Variants in BANP observed in about 807,000 individuals in gnomAD.
The protein encoded by BANP is protein BANP.
BANP carries 11 observed loss-of-function variants against 68.1 expected under a neutral mutation model. The observed-to-expected ratio is 0.16, with a 90% confidence interval of 0.10 to 0.27. The LOEUF (loss-of-function observed/expected upper bound fraction) is 0.27, where lower values mean the gene tolerates loss of function less well. BANP is among the 10% of genes least tolerant of loss of function. BANP has a pLI of 1.00. For synonymous variants in BANP, 329 were observed against 303.2 expected (o/e 1.09, Z -0.88); for missense variants, 504 against 722.7 (o/e 0.70, Z 3.47).
intron 1 of BANP, among the ~76,000 whole-genome samples, chr16:87,969,533 A>C (rs73242906): frequency 0.026 from 2,876 of 110,546 alleles, 89 homozygotes; most frequent in African/African-American, 0.097. Context: ...ATCGAGATTG[A>C]CTTTTTTTTT....
intron 2 of BANP, among the ~76,000 whole-genome samples, chr16:87,976,128 C>T (rs886723534): frequency 6.6e-6 from 1 of 152,222 alleles, no homozygotes; most frequent in Non-Finnish European, 1.5e-5. Flanking sequence ...TCTGATTTTT[C>T]CTTTATACAC....
At chr16:88,024,511 G>A (rs964514598) in intron 7 of BANP, among the ~76,000 whole-genome samples, 3 of 152,248 alleles carry the variant, frequency 2.0e-5, no homozygotes, top group African/African-American at 7.2e-5. Context: ...CCTGTTAAGT[G>A]CGGCTGCTCA....
At chr16:88,028,443 T>C (rs2077434317) in intron 8 of BANP, among the ~76,000 whole-genome samples, 1 of 152,194 alleles carries the variant, frequency 6.6e-6, no homozygotes, top group Non-Finnish European at 1.5e-5. Flanking sequence ...GAACCGGACT[T>C]CAGGAAGTGG....
intron 4 of BANP, among the ~76,000 whole-genome samples, chr16:87,987,624 G>T (rs149860985): frequency 0.029 from 4,352 of 148,806 alleles, 74 homozygotes; most frequent in Non-Finnish European, 0.042. Flanking sequence ...AGGAGGCTGA[G>T]GTGGGAGGAT....
In BANP at chr16:87,995,650, C is replaced by T. The variant is rs1485075523; in HGVS notation, c.363-8645C>T. ...CAGAGTGTCACGTGGTGAGGCTGCA[C>T]TCTGGGTGGGAAGGAGACAAAAACT... On this transcript the variant is annotated intron_variant, in intron 4 of 13. Transcript: ENST00000682872. 2.6e-5 allele frequency among the ~76,000 whole-genome samples: 4 copies of T among 152,212 alleles called. No individual in the cohort carries two copies. The East Asian group carries it at 7.7e-4, about 29-fold the overall frequency.
At chr16:87,999,107 C>T (rs1285093381) in intron 4 of BANP, among the ~76,000 whole-genome samples, 1 of 135,864 alleles carries the variant, frequency 7.4e-6, no homozygotes, top group African/African-American at 2.7e-5. Flanking sequence ...CCTGTCCTTC[C>T]AGACACCCAG....
chr16:87,969,971 G>A (rs11646255), intron 1 of BANP: 51,603 of 146,730 alleles, frequency 0.35, 10,250 homozygotes, highest in Non-Finnish European at 0.47. Context: ...GCAGTGGCAC[G>A]GTCTCAGTTC....
chr16:88,056,021 G>C (rs2084912262), intron 11 of BANP, among the ~76,000 whole-genome samples: 1 of 152,218 alleles, frequency 6.6e-6, no homozygotes, highest in African/African-American at 2.4e-5. Flanking sequence ...GCCTCCTGCT[G>C]CCTTGCTGGG....
Position 87,960,467 on chromosome 16 carries a change from C to G in BANP, c.-69+8952C>G, listed in dbSNP as rs181972425. ...TTGGCAGGGTTTTGTTATTTTTATC[C>G]TAAAGACATACTTATTTGCAAACCT... On this transcript the variant is annotated intron_variant, in intron 1 of 13. Transcript: ENST00000682872. Among the ~76,000 whole-genome samples, 23 of 152,278 alleles carry G rather than the reference C, an allele frequency of 1.5e-4. No individual in the cohort carries two copies. The East Asian group carries it at 3.3e-3, about 22-fold the overall frequency.
In BANP at chr16:88,003,117, C is replaced by G. The variant is rs757236548; in HGVS notation, c.363-1178C>G. Among the ~76,000 whole-genome samples the G allele has an allele frequency of 6.6e-6, 1 of 152,154 alleles. No homozygotes were observed. The highest frequency in any genetic ancestry group is 2.4e-5 in the African/African-American group (1 of 41,436). ...ACTGTGGTGACCAAGCCAAAAGCCA[C>G]CTGGGTTACTTTCCATACCTGACCT... On this transcript the variant is annotated intron_variant, in intron 4 of 13. Transcript: ENST00000682872. This position sits in a 1 kb window ranked among gnomAD's most constrained non-coding sequence, Gnocchi z 6.1.
chr16:88,072,750 C>T (rs977950312), intron 13 of BANP, among the ~76,000 whole-genome samples: 4 of 152,380 alleles, frequency 2.6e-5, no homozygotes, highest in East Asian at 3.9e-4. Context: ...CCAGCGTGGC[C>T]GAGGCCCAGA....
chr16:88,076,720 C>A lies in BANP; in HGVS notation c.*59C>A. ...CTCCGCCTACGGCCCGGCCCCCACG[C>A]GCCCTGCTCTCACGGCCTCGGCACA... On this transcript the variant is annotated 3_prime_UTR_variant, in exon 14 of 14. Transcript: ENST00000682872. 1.4e-6 allele frequency: 2 copies of A among 1,440,136 alleles called. No homozygotes were observed. The highest frequency in any genetic ancestry group is 1.9e-6 in the Non-Finnish European group (2 of 1,060,734). 89.2% of individuals were successfully genotyped at this position (1,440,136 alleles called of 1,614,324 possible).
intron 11 of BANP, among the ~76,000 whole-genome samples, chr16:88,039,182 G>C (rs1332713500): frequency 2.0e-5 from 3 of 152,110 alleles, no homozygotes; most frequent in Non-Finnish European, 1.5e-5. Context: ...TTAAAGATCA[G>C]CACGAGGTTT....
At chr16:88,009,387 C>G (rs1368500049) in intron 6 of BANP, among the ~76,000 whole-genome samples, 1 of 152,210 alleles carries the variant, frequency 6.6e-6, no homozygotes, top group African/African-American at 2.4e-5. Context: ...ATTTAAGTGC[C>G]TTAAGTCTTA....
At chr16:88,056,550 C>G (rs999513175) in intron 11 of BANP, among the ~76,000 whole-genome samples, 2 of 151,670 alleles carry the variant, frequency 1.3e-5, no homozygotes, top group Admixed American at 1.3e-4. Flanking sequence ...ACAATGGTGC[C>G]TTCGAAGGGC....
chr16:88,072,424 A>G (rs370027319), intron 13 of BANP, among the ~76,000 whole-genome samples: 1 of 152,188 alleles, frequency 6.6e-6, no homozygotes, highest in South Asian at 2.1e-4. Flanking sequence ...CCAAATTCCA[A>G]CTGATTCTTG....
chr16:88,012,758 A>G (rs1173294945), intron 6 of BANP, among the ~76,000 whole-genome samples: 1 of 152,240 alleles, frequency 6.6e-6, no homozygotes, highest in Non-Finnish European at 1.5e-5. Flanking sequence ...CTGTTCTTGG[A>G]AAGTCAGCAT....
At chr16:87,963,597 C>G (rs1303621205) in intron 1 of BANP, 1 of 152,168 alleles carries the variant, frequency 6.6e-6, no homozygotes, top group Non-Finnish European at 1.5e-5. Context: ...AGCCTTAGGA[C>G]TTTTCTTAAG....
intron 3 of BANP, among the ~76,000 whole-genome samples, chr16:87,983,033 A>G (rs1246092838): frequency 6.6e-6 from 1 of 152,072 alleles, no homozygotes; most frequent in Non-Finnish European, 1.5e-5. Context: ...GCCCGCTCTC[A>G]GTGGCTGCCT....
Sources: allele counts gnomAD v4.1 joint callset (sites outside exome capture counted in the v4.1 genomes callset), GRCh38; gene constraint gnomAD v4.1.1; non-coding constraint Gnocchi (gnomAD v3.1); transcripts MANE v1.5; gene names NCBI Gene and HGNC (gene_info 2026-07-23, HGNC 2026-07-21).